Variants in SMCO4 observed in about 807,000 individuals in gnomAD.
SMCO4 encodes single-pass membrane protein with coiled-coil domains 4, also known as single-pass membrane and coiled-coil domain-containing protein 4.
In SMCO4, 4 loss-of-function variants were observed where a neutral mutation model predicts 3.6. The observed-to-expected ratio is 1.11, with a 90% CI of 0.54 to 2.53. The LOEUF is 2.53. SMCO4 is among the 30% of genes most tolerant of loss of function. SMCO4 has a pLI of 0.02. For synonymous variants in SMCO4, 36 were observed against 35.3 expected, an observed-to-expected ratio of 1.02 and a Z score of -0.07; for missense variants, 70 against 80.8, an observed-to-expected ratio of 0.87 and a Z score of 0.51.
chr11:93,539,666 T>C (rs944908261), intron 1 of SMCO4, among the ~76,000 whole-genome samples: 2 of 152,222 alleles, frequency 1.3e-5, no homozygotes, highest in Admixed American at 6.5e-5. Flanking sequence ...CCTTTCAGCA[T>C]ACAATTTACT....
At chr11:93,507,120 C>T (rs946760973) in intron 1 of SMCO4, among the ~76,000 whole-genome samples, 1 of 152,148 alleles carries the variant, frequency 6.6e-6, no homozygotes, top group Non-Finnish European at 1.5e-5. Context: ...ATTAAAACTT[C>T]GGGGCCGGGT....
At chr11:93,496,288 G>A (rs926095433) in intron 2 of SMCO4, among the ~76,000 whole-genome samples, 2 of 152,178 alleles carry the variant, frequency 1.3e-5, no homozygotes, top group Admixed American at 1.3e-4. Context: ...AATTCAAGAT[G>A]TACTTTAGGA....
intron 1 of SMCO4, among the ~76,000 whole-genome samples, chr11:93,511,842 G>T (rs1359570472): frequency 6.6e-6 from 1 of 152,194 alleles, no homozygotes; most frequent in African/African-American, 2.4e-5. Flanking sequence ...TCAGTGAGCT[G>T]CCATATTCGT....
chr11:93,535,325 G>A (rs1440999574), intron 1 of SMCO4: 1 of 578,430 alleles, frequency 1.7e-6, no homozygotes, highest in Non-Finnish European at 3.1e-6. Flanking sequence ...TGGTCCTTGA[G>A]GGTTTGGTTC....
At chr11:93,514,374 CTATATATATATATA>C (rs148462986) in intron 1 of SMCO4, among the ~76,000 whole-genome samples, 396 of 39,042 alleles carry the variant, frequency 0.01, 17 homozygotes, top group South Asian at 0.087. Context: ...CAGGATGAGG[CTATATATATATATA>C]TATATATATA....
chr11:93,540,917 G>GA (rs1949265984), intron 1 of SMCO4, among the ~76,000 whole-genome samples: 1 of 152,122 alleles, frequency 6.6e-6, no homozygotes, highest in Non-Finnish European at 1.5e-5. Flanking sequence ...AAAATATTTG[G>GA]AAAAAATTGT....
intron 1 of SMCO4, among the ~76,000 whole-genome samples, chr11:93,528,415 G>C (rs935966377): frequency 3.3e-5 from 5 of 152,196 alleles, no homozygotes; most frequent in Non-Finnish European, 5.9e-5. Context: ...AGCCAGAATG[G>C]AGATTTAGCC....
At chr11:93,546,182 C>T (rs951220940), upstream of SMCO4, among the ~76,000 whole-genome samples, 3 of 152,244 alleles carry the variant, frequency 2.0e-5, no homozygotes, top group Non-Finnish European at 4.4e-5. Flanking sequence ...ACCCAAGAAT[C>T]AGTACTCTTG....
chr11:93,506,672 AC>A (rs1948906483), intron 1 of SMCO4, among the ~76,000 whole-genome samples: 1 of 151,970 alleles, frequency 6.6e-6, no homozygotes, highest in African/African-American at 2.4e-5. Context: ...CGCTCTCCTG[AC>A]CTCGTGATCC....
chr11:93,499,768 C>T (rs1016028161), intron 1 of SMCO4, among the ~76,000 whole-genome samples: 3 of 152,192 alleles, frequency 2.0e-5, no homozygotes, highest in South Asian at 2.1e-4. Context: ...AAGAAACAAA[C>T]GCGGAAGGTG....
intron 1 of SMCO4, among the ~76,000 whole-genome samples, chr11:93,528,198 A>G (rs935898711): frequency 1.3e-5 from 2 of 152,218 alleles, no homozygotes; most frequent in Non-Finnish European, 2.9e-5. Flanking sequence ...CTACACATAG[A>G]TATTTCTTAA....
At chr11:93,532,479 C>A (rs917255609) in intron 1 of SMCO4, among the ~76,000 whole-genome samples, 10 of 152,214 alleles carry the variant, frequency 6.6e-5, no homozygotes, top group African/African-American at 1.9e-4. Context: ...TAGACTTGGA[C>A]GGAGTCCCGC....
chr11:93,535,501 G>C lies in SMCO4; in HGVS notation c.-154+7775C>G, dbSNP rs947270951. On this transcript the variant is annotated intron_variant, in intron 1 of 2. Coordinates refer to ENST00000298966, the MANE Select transcript of SMCO4 (RefSeq NM_020179.3). ...TGTTGGAGAGCGAGCAGCTCCTGAC[G>C]GAGCTGACCAGACTTTTCCAGAAGT... 2.2e-6 allele frequency: 3 copies of C among 1,385,486 alleles called. No homozygotes were observed. The Admixed American group carries it at 5.1e-5, about 24-fold the overall frequency. The allele number at this position is 1,385,486 out of a possible 1,614,324, so 85.8% of individuals were successfully genotyped here.
intron 1 of SMCO4, among the ~76,000 whole-genome samples, chr11:93,536,584 T>G (rs1427630872): frequency 6.6e-6 from 1 of 152,148 alleles, no homozygotes; most frequent in Non-Finnish European, 1.5e-5. Context: ...AACCATAGTG[T>G]ATTTGTGTAT....
chr11:93,513,306 T>A (rs1948975824), intron 1 of SMCO4, among the ~76,000 whole-genome samples: 1 of 152,252 alleles, frequency 6.6e-6, no homozygotes, highest in African/African-American at 2.4e-5. Context: ...TTTTTTTGTA[T>A]GTGAAACTAT....
the SMCO4 span, among the ~76,000 whole-genome samples, chr11:93,550,978 A>G: frequency 6.6e-6 from 1 of 152,160 alleles, no homozygotes; most frequent in Non-Finnish European, 1.5e-5. Context: ...TCCCCAAGGG[A>G]GCTTCATCTT....
chr11:93,541,155 T>C (rs1949267731), intron 1 of SMCO4, among the ~76,000 whole-genome samples: 1 of 152,228 alleles, frequency 6.6e-6, no homozygotes. Flanking sequence ...GGTGTGACCC[T>C]GGCCAAGTCA....
chr11:93,501,468 G>A (rs1287176340), intron 1 of SMCO4, among the ~76,000 whole-genome samples: 2 of 152,176 alleles, frequency 1.3e-5, no homozygotes, highest in African/African-American at 4.8e-5. Flanking sequence ...TCCAGCTTCT[G>A]GTGGCTTGGC....
chr11:93,496,756 CA>C (rs1376357895), intron 2 of SMCO4, among the ~76,000 whole-genome samples: 4 of 152,214 alleles, frequency 2.6e-5, no homozygotes. Flanking sequence ...ATAACCTTAA[CA>C]GTAAAATGGT....
Sources: gnomAD v4.1 joint callset for allele counts (sites outside exome capture counted in the v4.1 genomes callset) on GRCh38, gnomAD v4.1.1 for gene constraint, MANE v1.5 for transcripts, NCBI Gene and HGNC (gene_info 2026-07-23, HGNC 2026-07-21) for gene names.